BBS7: variants seen among roughly 807,000 people sequenced by gnomAD.
The protein encoded by BBS7 is Bardet-Biedl syndrome 7, also known as BBSome complex member BBS7.
Under a neutral mutation model 90.3 loss-of-function variants are expected in BBS7, and 50 were observed. The observed-to-expected ratio is 0.55, with a 90% CI of 0.44 to 0.70. The LOEUF (loss-of-function observed/expected upper bound fraction) is 0.70, where lower values mean the gene tolerates loss of function less well. BBS7 is among the 30% of genes least tolerant of loss of function. The pLI, the probability that BBS7 is intolerant of heterozygous loss-of-function variation, is 0.00. For synonymous variants in BBS7, 235 were observed against 287.4 expected, an observed-to-expected ratio of 0.82 and a Z score of 1.85; for missense variants, 729 against 838.9, an observed-to-expected ratio of 0.87 and a Z score of 1.62.
Position 121,845,506 on chromosome 4 carries a change from G to T in BBS7, c.1228C>A (p.Gln410Lys). 1 of 1,609,750 alleles carries T rather than the reference G, an allele frequency of 6.2e-7. No homozygotes were observed. The highest frequency in any genetic ancestry group is 8.5e-7 in the Non-Finnish European group (1 of 1,177,618). The stretch of plus-strand genomic sequence containing the variant: ...AAGAAATTAGACATTTTGCTTACCT[G>T]TATTAAGACATTATCTATTGCAGTC... The part of the protein sequence containing the change: ...VQTAIDNVLI[Q>K]SDVPIDLLDV... Residue 410 changes from glutamine to lysine, a missense_variant and splice_region_variant, in exon 11 of 19, where the codon CAG becomes AAG. Physicochemically the swap from Gln to Lys is moderately conservative, Grantham distance 53. Coordinates refer to ENST00000264499, the MANE Select transcript of BBS7 (RefSeq NM_176824.3).
Position 121,861,654 on chromosome 4 carries a change from G to C in BBS7, c.191C>G (p.Pro64Arg). Residue 64 changes from proline to arginine, a missense_variant, in exon 4 of 19, where the codon CCG becomes CGG. Physicochemically the swap from Pro to Arg is moderately radical, Grantham distance 103 (BLOSUM62 -2). Transcript: ENST00000264499. Reference protein sequence around the residue: ...AAAVFKTLPGPKIARLELGGV... With the variant: ...AAAVFKTLPGRKIARLELGGV... ...TCCCAGTTCCAGCCTTGCAATCTTC[G>C]GCCCGGGTAAAGTCTTGAACACTGC... 6.2e-7 allele frequency: 1 copy of C among 1,611,652 alleles called. No individual in the cohort carries two copies. Among genetic ancestry groups the C allele is most frequent in the Non-Finnish European group, 8.5e-7 (1 of 1,178,706 alleles).
chr4:121,865,278 G>C (rs1050727652), intron 2 of BBS7, among the ~76,000 whole-genome samples: 1 of 149,942 alleles, frequency 6.7e-6, no homozygotes, highest in Non-Finnish European at 1.5e-5. Context: ...TGCCCTTGTC[G>C]GCCAGGCTGG....
intron 8 of BBS7, 65 bp from the exon 9 acceptor site, chr4:121,848,993 G>A (rs1190984767): frequency 8.2e-7 from 1 of 1,225,594 alleles, no homozygotes. Context: ...ATTAAAATAA[G>A]CCACACAACG....
At position 121,847,244 on chromosome 4, in the gene BBS7, C is replaced by T. The variant is rs1316656401; in HGVS notation, c.1037+160G>A. 6.6e-6 allele frequency among the ~76,000 whole-genome samples: 1 copy of T among 152,150 alleles called. No homozygotes were observed. The highest frequency in any genetic ancestry group is 1.5e-5 in the Non-Finnish European group (1 of 68,024). ...TCCAAAATATTAATCAGCACTTACGCTAATTTTCTCGAAACTGTAAACTTC... is the reference window on the plus strand; with the variant it reads ...TCCAAAATATTAATCAGCACTTACGTTAATTTTCTCGAAACTGTAAACTTC... On this transcript the variant is annotated intron_variant, in intron 10 of 18. Transcript: ENST00000264499.
chr4:121,867,641 G>A (rs1262144280), intron 2 of BBS7, among the ~76,000 whole-genome samples: 2 of 152,050 alleles, frequency 1.3e-5, no homozygotes, highest in South Asian at 4.1e-4. Context: ...AATATTTAAT[G>A]ACTTTAAAAT....
chr4:121,835,071 TATAAAA>T, intron 14 of BBS7, 67 bp downstream of exon 14: 1 of 1,509,148 alleles, frequency 6.6e-7, no homozygotes, highest in Non-Finnish European at 9.1e-7. Context: ...GAATTTACAC[TATAAAA>T]ATAAAAAACA....
chr4:121,829,319 C>T (rs74515927), intron 15 of BBS7, among the ~76,000 whole-genome samples: 3,574 of 151,688 alleles, frequency 0.024, 143 homozygotes, highest in East Asian at 0.18. Flanking sequence ...ACTACAACCT[C>T]CACTTTCTGG....
chr4:121,826,132 T>G (rs1024013063), intron 18 of BBS7, 139 bp from the exon 19 acceptor site: 3 of 724,022 alleles, frequency 4.1e-6, no homozygotes, highest in Admixed American at 6.0e-5. Context: ...CTAAAAGCCA[T>G]GTTTTTAAAA....
At chr4:121,830,158 T>G (rs897025903) in intron 15 of BBS7, among the ~76,000 whole-genome samples, 3 of 152,212 alleles carry the variant, frequency 2.0e-5, no homozygotes, top group Admixed American at 2.0e-4. Flanking sequence ...TCCCAGCACT[T>G]TGGGAGGCCA....
At chr4:121,829,389 T>C (rs1725065432) in intron 15 of BBS7, among the ~76,000 whole-genome samples, 1 of 152,026 alleles carries the variant, frequency 6.6e-6, no homozygotes, top group Non-Finnish European at 1.5e-5. Context: ...CACATGCCAC[T>C]ACACCCAGCT....
At chr4:121,831,387 T>C (rs997191364) in intron 15 of BBS7, among the ~76,000 whole-genome samples, 6 of 151,566 alleles carry the variant, frequency 4.0e-5, no homozygotes, top group African/African-American at 1.5e-4. Flanking sequence ...TCCCAGCTAC[T>C]GGGGAGGCTG....
At chr4:121,854,969 A>G in intron 6 of BBS7, 149 bp from the exon 7 acceptor site, 1 of 746,184 alleles carries the variant, frequency 1.3e-6, no homozygotes, top group Non-Finnish European at 2.2e-6. Context: ...ATATTCACAC[A>G]ATTTTATAGC....
rs1211486686 is a variant in BBS7 at position 121,861,615 on chromosome 4, G to A, written c.230C>T (p.Thr77Ile). Residue 77 changes from threonine to isoleucine, a missense_variant, in exon 4 of 19, where the codon ACA (threonine) becomes ATA (isoleucine). By Grantham distance (89) the Thr-to-Ile change is moderately conservative. Transcript: ENST00000264499. ...AGCAATAAAAATTTTCTCCTGAGGT[G>A]TGTTGATAACCCCTCCCAGTTCCAG... Reference protein sequence around the residue: ...ARLELGGVINTPQEKIFIAAA... With the variant: ...ARLELGGVINIPQEKIFIAAA... 1 of 1,613,734 alleles carries A rather than the reference G, an allele frequency of 6.2e-7. No homozygotes were observed.
chr4:121,860,734 G>T (rs72918000), intron 4 of BBS7, among the ~76,000 whole-genome samples: 5,349 of 152,056 alleles, frequency 0.035, 317 homozygotes, highest in African/African-American at 0.12. Flanking sequence ...ATTTCACCAA[G>T]CCAATGTTTT....
intron 2 of BBS7, among the ~76,000 whole-genome samples, chr4:121,866,554 C>T (rs1342953591): frequency 6.6e-6 from 1 of 152,024 alleles, no homozygotes; most frequent in Admixed American, 6.6e-5. Flanking sequence ...TGTGAGCCAC[C>T]ACACCTGGCC....
At chr4:121,840,614 A>G (rs1404717269) in intron 12 of BBS7, among the ~76,000 whole-genome samples, 1 of 152,184 alleles carries the variant, frequency 6.6e-6, no homozygotes, top group African/African-American at 2.4e-5. Context: ...ATTGAATATT[A>G]AACTACTAGA....
chr4:121,848,706 G>T, intron 9 of BBS7, 138 bp downstream of exon 9: 3 of 667,490 alleles, frequency 4.5e-6, no homozygotes, highest in Non-Finnish European at 7.8e-6. Context: ...TCCACTGGGG[G>T]TCTTGGAATG....
chr4:121,845,576 T>A lies in BBS7; in HGVS notation c.1158A>T (p.Thr386=), dbSNP rs146617227. The A allele has an allele frequency of 8.7e-6, 14 of 1,613,164 alleles. No individual in the cohort carries two copies. The Admixed American group carries it at 2.2e-4, about 25-fold the overall frequency. Residue 386 remains threonine (T), a synonymous_variant, in exon 11 of 19, where the codon ACA becomes ACT. Transcript: ENST00000264499. ...TGTAACTGGCATCATCTTTATTTAG[T>A]GTAAATTTATCATTTATACCAAAGG... is the stretch of plus-strand genomic sequence containing the variant. ...VPSFGINDKF[T]LNKDDASYSL... is the part of the protein sequence containing the mutation.
Position 121,825,779 on chromosome 4 carries a change from A to G in BBS7, c.*81T>C, listed in dbSNP as rs1343703041. On this transcript the variant is annotated 3_prime_UTR_variant, in exon 19 of 19. Transcript: ENST00000264499. ...AAAAAAGCATTTGAAATTAAAGTAC[A>G]TACACAGTTAACTTCTAATTCTCTT... The G allele has an allele frequency of 3.5e-6, 5 of 1,439,110 alleles. No individual in the cohort carries two copies. Among genetic ancestry groups the G allele is most frequent in the Non-Finnish European group, 4.8e-6 (5 of 1,037,356 alleles). The allele number at this position is 1,439,110 out of a possible 1,614,324, so 89.1% of individuals were successfully genotyped here.
Sources: allele counts gnomAD v4.1 joint callset (sites outside exome capture counted in the v4.1 genomes callset), GRCh38; gene constraint gnomAD v4.1.1; transcripts MANE v1.5; gene names NCBI Gene and HGNC (gene_info 2026-07-23, HGNC 2026-07-21).